The following MGAT4D variants were observed in gnomAD, a reference collection of about 807,000 sequenced individuals.
The protein encoded by MGAT4D is MGAT4 family member D.
Under a neutral mutation model 15.9 loss-of-function variants are expected in MGAT4D, and 34 were observed. That is an observed-to-expected ratio of 2.14 (90% confidence interval 1.62 to 2.84). The LOEUF is 2.84. Ranked by LOEUF, MGAT4D falls within the 30% of genes most tolerant of loss-of-function variation. The probability of loss-of-function intolerance (pLI) is 0.00; values close to 1 mark genes in which losing one functional copy is unlikely to be tolerated. For missense variants in MGAT4D, 327 were observed against 140.2 expected (o/e 2.33, Z -6.73); for synonymous variants, 112 against 48.2 (o/e 2.33, Z -5.49).
intron 4 of MGAT4D, among the ~76,000 whole-genome samples, chr4:140,474,111 A>G (rs556845119): frequency 1.3e-5 from 2 of 152,256 alleles, no homozygotes; most frequent in East Asian, 1.9e-4. Flanking sequence ...CACATTGCCA[A>G]ATTTCTCTCC....
intron 6 of MGAT4D, 43 bp downstream of exon 6, chr4:140,464,853 T>G: frequency 1.4e-6 from 1 of 699,424 alleles, no homozygotes; most frequent in Non-Finnish European, 2.6e-6. Context: ...TTTTATCAGA[T>G]GAAGTTAGTT....
intron 5 of MGAT4D, among the ~76,000 whole-genome samples, chr4:140,469,548 C>A (rs1348384424): frequency 1.3e-5 from 2 of 152,096 alleles, no homozygotes; most frequent in Admixed American, 6.5e-5. Flanking sequence ...ATCCCTATTT[C>A]TTTTTAAAAT....
rs143675493 is a variant in MGAT4D at position 140,442,265 on chromosome 4, G to A, written c.*1171C>T. On this transcript the variant is annotated 3_prime_UTR_variant, in exon 11 of 11. Coordinates refer to ENST00000511113, the MANE Select transcript of MGAT4D (RefSeq NM_001277353.2). Reference sequence around the variant, plus strand: ...TGAAATGGACACACAGAAATAGTTCGTCTTTCATATTATCTTTATAAATTG... The same window carrying A: ...TGAAATGGACACACAGAAATAGTTCATCTTTCATATTATCTTTATAAATTG... 1.3e-5 allele frequency: 2 copies of A among 152,018 alleles called. No individual in the cohort carries two copies. Among genetic ancestry groups the A allele is most frequent in the South Asian group, 2.1e-4 (1 of 4,824 alleles). 9.4% of individuals were successfully genotyped at this position (152,018 alleles called of 1,614,324 possible). A position where few individuals can be genotyped will look rare whatever the true frequency, so the allele number is the denominator to read the frequency against.
At chr4:140,484,908 C>T (rs1003763595) in intron 1 of MGAT4D, among the ~76,000 whole-genome samples, 1 of 152,174 alleles carries the variant, frequency 6.6e-6, no homozygotes, top group Non-Finnish European at 1.5e-5. Flanking sequence ...AACAACAGTG[C>T]TGGAGAGGAT....
At chr4:140,468,902 A>G (rs997911746) in intron 5 of MGAT4D, among the ~76,000 whole-genome samples, 4 of 152,052 alleles carry the variant, frequency 2.6e-5, no homozygotes, top group African/African-American at 7.2e-5. Flanking sequence ...CTTTCCCCCA[A>G]CAAATTAATT....
intron 6 of MGAT4D, among the ~76,000 whole-genome samples, chr4:140,463,475 T>C (rs755234935): frequency 9.9e-5 from 15 of 151,914 alleles, no homozygotes; most frequent in South Asian, 4.2e-4. Context: ...GGGAGGCTTG[T>C]AGTCTGGGGC....
At chr4:140,477,584 T>C (rs1451323363) in intron 3 of MGAT4D, among the ~76,000 whole-genome samples, 1 of 152,256 alleles carries the variant, frequency 6.6e-6, no homozygotes, top group Non-Finnish European at 1.5e-5. Context: ...AAGCTTGTCC[T>C]ATCTGTTCTC....
chr4:140,481,258 T>C (rs1189835106), intron 2 of MGAT4D, among the ~76,000 whole-genome samples: 1 of 152,144 alleles, frequency 6.6e-6, no homozygotes, highest in African/African-American at 2.4e-5. Flanking sequence ...TGAGCCAGAT[T>C]GCACCATTGC....
chr4:140,461,821 G>A (rs1731195562), intron 7 of MGAT4D, 108 bp downstream of exon 7: 3 of 443,748 alleles, frequency 6.8e-6, no homozygotes, highest in Admixed American at 3.7e-5. Context: ...TTATAGGAAG[G>A]AGGGAGAAAG....
At chr4:140,446,984 GTTGT>G (rs1272605577) in intron 10 of MGAT4D, among the ~76,000 whole-genome samples, 4 of 151,628 alleles carry the variant, frequency 2.6e-5, no homozygotes, top group Admixed American at 1.3e-4. Context: ...TCAGGAGCAG[GTTGT>G]TTAATTTCCA....
At chr4:140,482,906 C>A (rs1227966737) in intron 1 of MGAT4D, among the ~76,000 whole-genome samples, 2 of 152,036 alleles carry the variant, frequency 1.3e-5, no homozygotes, top group African/African-American at 4.8e-5. Context: ...CAGATTTGGA[C>A]TAAGGATATT....
chr4:140,495,083 A>G (rs186822061), intron 1 of MGAT4D, among the ~76,000 whole-genome samples: 8 of 152,316 alleles, frequency 5.3e-5, no homozygotes, highest in South Asian at 2.1e-4. Context: ...TATGGTCCCC[A>G]TGATATAATA....
At chr4:140,448,409 C>G (rs1730266653) in intron 10 of MGAT4D, among the ~76,000 whole-genome samples, 1 of 152,084 alleles carries the variant, frequency 6.6e-6, no homozygotes, top group African/African-American at 2.4e-5. Context: ...TTTTTTCACT[C>G]TTTTTGTTTA....
chr4:140,464,084 T>C (rs1731370436), intron 6 of MGAT4D, among the ~76,000 whole-genome samples: 1 of 152,212 alleles, frequency 6.6e-6, no homozygotes, highest in Non-Finnish European at 1.5e-5. Flanking sequence ...GACTCCCACC[T>C]TTGTGACTCT....
chr4:140,465,173 T>G (rs1731450177), intron 5 of MGAT4D, among the ~76,000 whole-genome samples, 164 bp from the exon 6 acceptor site: 1 of 152,194 alleles, frequency 6.6e-6, no homozygotes, highest in Non-Finnish European at 1.5e-5. Flanking sequence ...CCAAAGCATT[T>G]TTTTATAAAT....
intron 1 of MGAT4D, among the ~76,000 whole-genome samples, chr4:140,497,043 T>C (rs957772700): frequency 6.6e-6 from 1 of 152,112 alleles, no homozygotes; most frequent in Non-Finnish European, 1.5e-5. Flanking sequence ...TAATATGCAT[T>C]CCTAATCTTT....
intron 1 of MGAT4D, among the ~76,000 whole-genome samples, chr4:140,485,509 A>G (rs1026580199): frequency 1.1e-4 from 17 of 152,024 alleles, no homozygotes; most frequent in African/African-American, 4.1e-4. Flanking sequence ...TATGTAACTA[A>G]CCTGCATATT....
rs1282109732 is a variant in MGAT4D at position 140,442,700 on chromosome 4, TG to T, written c.*735del. On this transcript the variant is annotated 3_prime_UTR_variant, in exon 11 of 11. Coordinates refer to ENST00000511113, the MANE Select transcript of MGAT4D (RefSeq NM_001277353.2). ...ACTATACATTCTTTCCAAAGTCATA[TG>T]GAACACAAGGATTCACAACAATTCT... is the stretch of plus-strand genomic sequence containing the variant. 2 of 152,142 alleles carry T rather than the reference TG, an allele frequency of 1.3e-5. No homozygotes were observed. The highest frequency in any genetic ancestry group is 2.9e-5 in the Non-Finnish European group (2 of 68,006). The allele number at this position is 152,142 out of a possible 1,614,324, so 9.4% of individuals were successfully genotyped here.
chr4:140,476,795 T>C (rs1369422478), intron 3 of MGAT4D, among the ~76,000 whole-genome samples: 1 of 152,216 alleles, frequency 6.6e-6, no homozygotes, highest in Non-Finnish European at 1.5e-5. Context: ...ATATTAGTCA[T>C]TTTGATCACA....
Sources: gnomAD v4.1 joint callset for allele counts (sites outside exome capture counted in the v4.1 genomes callset) on GRCh38, gnomAD v4.1.1 for gene constraint, MANE v1.5 for transcripts, NCBI Gene and HGNC (gene_info 2026-07-23, HGNC 2026-07-21) for gene names.